The following RAB28 variants were observed in gnomAD, a reference collection of about 807,000 sequenced individuals.
RAB28 encodes ras-related protein Rab-28.
Under a neutral mutation model 31.7 loss-of-function variants are expected in RAB28, and 24 were observed. The ratio of observed to expected loss-of-function variants is 0.76; its 90% CI spans 0.55 to 1.06. RAB28 has a LOEUF of 1.06. Ranked by LOEUF, RAB28 falls within the 50% of genes least tolerant of loss-of-function variation. The pLI, the probability that RAB28 is intolerant of heterozygous loss-of-function variation, is 0.00. For synonymous variants in RAB28, 100 were observed against 90.4 expected, an observed-to-expected ratio of 1.11 and a Z score of -0.60; for missense variants, 254 against 258.5, an observed-to-expected ratio of 0.98 and a Z score of 0.12.
intron 6 of RAB28, among the ~76,000 whole-genome samples, chr4:13,374,652 C>A (rs529958794): frequency 2.6e-4 from 40 of 152,216 alleles, no homozygotes; most frequent in African/African-American, 8.2e-4. Context: ...CTCTCTTATC[C>A]AATAATTCCA....
intron 4 of RAB28, among the ~76,000 whole-genome samples, chr4:13,387,436 C>T (rs953433575): frequency 3.3e-5 from 5 of 151,902 alleles, no homozygotes; most frequent in African/African-American, 2.4e-5. Context: ...AAAACTTGTA[C>T]CATTGGAGAA....
chr4:13,448,909 A>G (rs1379826390), intron 4 of RAB28, among the ~76,000 whole-genome samples: 1 of 148,030 alleles, frequency 6.8e-6, no homozygotes, highest in Non-Finnish European at 1.5e-5. Context: ...TTAAAAAAAG[A>G]AAAAGCAGCA....
At chr4:13,374,032 C>G (rs1046554984) in intron 6 of RAB28, among the ~76,000 whole-genome samples, 1 of 151,574 alleles carries the variant, frequency 6.6e-6, no homozygotes. Flanking sequence ...GATGAACTTG[C>G]CAAAATGTTT....
chr4:13,430,886 A>G (rs1560290349), intron 4 of RAB28, among the ~76,000 whole-genome samples: 1 of 152,168 alleles, frequency 6.6e-6, no homozygotes. Context: ...GGGACAAAGG[A>G]AACGGGTGCA....
chr4:13,455,189 C>A (rs557545365), intron 4 of RAB28, among the ~76,000 whole-genome samples: 2 of 152,140 alleles, frequency 1.3e-5, no homozygotes, highest in African/African-American at 4.8e-5. Flanking sequence ...GCTGTGTCTG[C>A]CAGAAGTCAC....
chr4:13,391,213 AAAAC>A (rs1315765422), intron 4 of RAB28, among the ~76,000 whole-genome samples: 1 of 152,230 alleles, frequency 6.6e-6, no homozygotes, highest in Non-Finnish European at 1.5e-5. Flanking sequence ...TTACAAGAAA[AAAAC>A]AAACAACCCC....
At chr4:13,464,385 A>C (rs1715741966) in intron 3 of RAB28, among the ~76,000 whole-genome samples, 1 of 152,164 alleles carries the variant, frequency 6.6e-6, no homozygotes, top group Non-Finnish European at 1.5e-5. Context: ...CCATCTGGAA[A>C]GGGAAGTTCC....
At chr4:13,400,210 T>C (rs1295760499) in intron 4 of RAB28, among the ~76,000 whole-genome samples, 3 of 152,210 alleles carry the variant, frequency 2.0e-5, no homozygotes, top group Admixed American at 6.5e-5. Context: ...TCCTGTTTAC[T>C]TGGATGAATT....
chr4:13,385,861 C>T (rs1169294619), intron 4 of RAB28, among the ~76,000 whole-genome samples: 4 of 152,088 alleles, frequency 2.6e-5, no homozygotes, highest in Non-Finnish European at 5.9e-5. Context: ...AAGCAAAAAT[C>T]AACTCAAAAT....
intron 4 of RAB28, among the ~76,000 whole-genome samples, chr4:13,407,997 C>G (rs111786494): frequency 1.3e-5 from 2 of 152,016 alleles, no homozygotes; most frequent in Non-Finnish European, 2.9e-5. Flanking sequence ...ATTTGAATAC[C>G]CTTTATTTCT....
intron 3 of RAB28, among the ~76,000 whole-genome samples, chr4:13,469,465 C>A (rs577235138): frequency 6.6e-6 from 1 of 151,972 alleles, no homozygotes; most frequent in South Asian, 2.1e-4. Context: ...TTAATAAATC[C>A]CTCTTCAACA....
chr4:13,468,829 T>A, intron 3 of RAB28, among the ~76,000 whole-genome samples: 1 of 150,374 alleles, frequency 6.7e-6, no homozygotes. Flanking sequence ...CTAGTCAGGC[T>A]AACCAAAAAC....
chr4:13,376,929 T>C (rs1268267982), intron 5 of RAB28, among the ~76,000 whole-genome samples: 1 of 152,142 alleles, frequency 6.6e-6, no homozygotes, highest in African/African-American at 2.4e-5. Context: ...ACAATCCTAC[T>C]TACTACTATA....
intron 4 of RAB28, among the ~76,000 whole-genome samples, chr4:13,427,129 A>C (rs1176865116): frequency 2.0e-5 from 3 of 152,162 alleles, no homozygotes; most frequent in Non-Finnish European, 4.4e-5. Context: ...GGTTTTTCTC[A>C]TTGTTTCTAG....
In RAB28 at chr4:13,368,591, G is replaced by A; in HGVS notation, c.633C>T (p.Asn211=). Residue 211 remains asparagine (N), a synonymous_variant, in exon 7 of 7, where the codon AAC becomes AAT. Coordinates refer to ENST00000330852, the MANE Select transcript of RAB28 (RefSeq NM_001017979.3). ...YNQEPMSRTV[N]PPRSSMCAVQ ...CTGCACACATAGAGCTTCTAGGAGG[G>A]TTAACAGTCCTTGACATAGGTTCCT... The A allele has an allele frequency of 6.2e-7, 1 of 1,612,428 alleles. No homozygotes were observed. Among genetic ancestry groups the A allele is most frequent in the Non-Finnish European group, 8.5e-7 (1 of 1,179,070 alleles).
chr4:13,450,901 T>C (rs1244712351), intron 4 of RAB28, among the ~76,000 whole-genome samples: 1 of 151,858 alleles, frequency 6.6e-6, no homozygotes, highest in African/African-American at 2.4e-5. Flanking sequence ...CTTGCACTTA[T>C]AATGGGCGAA....
At chr4:13,417,523 T>A (rs1297858498) in intron 4 of RAB28, among the ~76,000 whole-genome samples, 1 of 152,156 alleles carries the variant, frequency 6.6e-6, no homozygotes, top group African/African-American at 2.4e-5. Flanking sequence ...GCAGGTGCCC[T>A]TCTGGGACGA....
Position 13,387,305 on chromosome 4 carries a change from T to C in RAB28, c.392-5711A>G, listed in dbSNP as rs1729414821. ...CAAGACAATGGAAATCTAAGCATCA[T>C]AATTGTCTCTGCTATTCTGGTCATC... On this transcript the variant is annotated intron_variant, in intron 4 of 6. Transcript: ENST00000330852. 2.6e-5 allele frequency among the ~76,000 whole-genome samples: 4 copies of C among 152,108 alleles called. No homozygotes were observed. The South Asian group carries it at 8.3e-4, about 31-fold the overall frequency.
chr4:13,385,257 G>C (rs1002602351), intron 4 of RAB28, among the ~76,000 whole-genome samples: 1 of 152,108 alleles, frequency 6.6e-6, no homozygotes, highest in Non-Finnish European at 1.5e-5. Flanking sequence ...GGGGAGATTG[G>C]AAGCAAATTG....
Sources: gnomAD v4.1 joint callset for allele counts (sites outside exome capture counted in the v4.1 genomes callset) on GRCh38, gnomAD v4.1.1 for gene constraint, MANE v1.5 for transcripts, NCBI Gene and HGNC (gene_info 2026-07-23, HGNC 2026-07-21) for gene names.